Variants in MYO1D observed in about 807,000 individuals in gnomAD.
MYO1D encodes the protein myosin ID.
A neutral mutation model predicts 122.0 loss-of-function variants in MYO1D; 83 were observed. The ratio of observed to expected loss-of-function variants is 0.68; its 90% CI spans 0.57 to 0.82. MYO1D has a LOEUF of 0.82. Ranked by LOEUF, MYO1D falls within the 40% of genes least tolerant of loss-of-function variation. The pLI, the probability that MYO1D is intolerant of heterozygous loss-of-function variation, is 0.00. For synonymous variants in MYO1D, 464 were observed against 446.9 expected (o/e 1.04, Z -0.48); for missense variants, 1,157 against 1,269.5 (o/e 0.91, Z 1.35).
chr17:32,503,966 T>TGAGG (rs1909409687), intron 21 of MYO1D, among the ~76,000 whole-genome samples: 1 of 152,214 alleles, frequency 6.6e-6, no homozygotes, highest in Admixed American at 6.5e-5. Flanking sequence ...ACCTATAAGG[T>TGAGG]GAGGCTATGA....
At chr17:32,855,900 T>C (rs540891212) in intron 1 of MYO1D, among the ~76,000 whole-genome samples, 10 of 152,344 alleles carry the variant, frequency 6.6e-5, no homozygotes, top group Admixed American at 4.6e-4. Context: ...TGATAGTCTG[T>C]AGGACTAGCT....
chr17:32,648,290 A>T (rs1174537859), intron 19 of MYO1D, among the ~76,000 whole-genome samples: 1 of 152,192 alleles, frequency 6.6e-6, no homozygotes, highest in African/African-American at 2.4e-5. Flanking sequence ...TATAATGTTC[A>T]AACACTGATT....
intron 21 of MYO1D, among the ~76,000 whole-genome samples, chr17:32,540,633 A>G (rs1386536809): frequency 1.3e-5 from 2 of 152,106 alleles, no homozygotes; most frequent in African/African-American, 4.8e-5. Flanking sequence ...ATAATCAAAA[A>G]GACAGATAAT....
chr17:32,596,831 C>T (rs2087498075), intron 21 of MYO1D, among the ~76,000 whole-genome samples: 1 of 152,220 alleles, frequency 6.6e-6, no homozygotes, highest in Admixed American at 6.5e-5. Context: ...TGCAGAGTTT[C>T]TGGTGACTTC....
chr17:32,628,818 A>G (rs953611610), intron 20 of MYO1D, among the ~76,000 whole-genome samples: 11 of 152,258 alleles, frequency 7.2e-5, no homozygotes, highest in African/African-American at 2.4e-4. Flanking sequence ...CCACTTTGGA[A>G]AATACTGGCA....
intron 21 of MYO1D, among the ~76,000 whole-genome samples, chr17:32,517,144 T>C (rs116631030): frequency 0.017 from 2,528 of 152,316 alleles, 72 homozygotes; most frequent in African/African-American, 0.056. Context: ...TCAAACCAAA[T>C]ACATTCTTCC....
At chr17:32,707,222 C>T (rs1016782687) in intron 16 of MYO1D, among the ~76,000 whole-genome samples, 4 of 151,888 alleles carry the variant, frequency 2.6e-5, no homozygotes, top group Non-Finnish European at 5.9e-5. Context: ...TAAAAATGGG[C>T]CAAGAATATC....
intron 13 of MYO1D, among the ~76,000 whole-genome samples, chr17:32,739,833 C>G (rs2089753161): frequency 1.3e-5 from 2 of 152,090 alleles, no homozygotes; most frequent in Non-Finnish European, 2.9e-5. Context: ...GATGAAAGAG[C>G]AGATGAGCGC....
chr17:32,670,875 C>A (rs1308856152), intron 16 of MYO1D, among the ~76,000 whole-genome samples: 1 of 152,210 alleles, frequency 6.6e-6, no homozygotes, highest in East Asian at 1.9e-4. Context: ...GCCTTTACCA[C>A]CCTTCAATTG....
At chr17:32,789,070 T>C (rs906316282) in intron 1 of MYO1D, among the ~76,000 whole-genome samples, 1 of 152,188 alleles carries the variant, frequency 6.6e-6, no homozygotes, top group African/African-American at 2.4e-5. Flanking sequence ...TACTTGGCCA[T>C]TGTCAGTATA....
chr17:32,658,838 C>T (rs558365045), intron 17 of MYO1D: 2 of 409,486 alleles, frequency 4.9e-6, no homozygotes, highest in South Asian at 6.6e-5. Context: ...TAAGTAGAAA[C>T]AGCATGCTAG....
chr17:32,833,211 T>C (rs1454993169), intron 1 of MYO1D, among the ~76,000 whole-genome samples: 2 of 152,316 alleles, frequency 1.3e-5, no homozygotes, highest in East Asian at 3.9e-4. Context: ...CCATGTCTCA[T>C]CTGTCAGTAA....
chr17:32,560,083 C>T (rs777594120), intron 21 of MYO1D, among the ~76,000 whole-genome samples: 1 of 152,132 alleles, frequency 6.6e-6, no homozygotes, highest in Non-Finnish European at 1.5e-5. Context: ...GGTGAAACCC[C>T]CATCTCTACT....
intron 1 of MYO1D, among the ~76,000 whole-genome samples, chr17:32,806,093 C>T (rs2090509658): frequency 6.6e-6 from 1 of 152,012 alleles, no homozygotes; most frequent in Non-Finnish European, 1.5e-5. Flanking sequence ...CCTGTCTCTA[C>T]CAAAAATACA....
intron 21 of MYO1D, among the ~76,000 whole-genome samples, chr17:32,587,071 C>T (rs1016871254): frequency 1.3e-5 from 2 of 152,198 alleles, no homozygotes; most frequent in African/African-American, 4.8e-5. Context: ...TAACAACAAG[C>T]AGTGCTCCTC....
intron 21 of MYO1D, among the ~76,000 whole-genome samples, chr17:32,544,481 T>C (rs1166992121): frequency 6.6e-6 from 1 of 152,130 alleles, no homozygotes. Context: ...ATTAATGAAA[T>C]AGTGGTATAT....
At chr17:32,512,222 C>T (rs1002304966) in intron 21 of MYO1D, among the ~76,000 whole-genome samples, 4 of 151,972 alleles carry the variant, frequency 2.6e-5, no homozygotes, top group African/African-American at 9.7e-5. Flanking sequence ...ATCACTTGAA[C>T]CCAGGAGGCA....
At chr17:32,700,430 C>T (rs2089231810) in intron 16 of MYO1D, among the ~76,000 whole-genome samples, 3 of 152,288 alleles carry the variant, frequency 2.0e-5, no homozygotes, top group Non-Finnish European at 1.5e-5. Flanking sequence ...AGGCCACGGA[C>T]CAGTACCAGT....
At chr17:32,547,075 A>ATTT (rs71144837) in intron 21 of MYO1D, among the ~76,000 whole-genome samples, 4 of 148,150 alleles carry the variant, frequency 2.7e-5, no homozygotes, top group Admixed American at 6.7e-5. Context: ...CTAATTAAAC[A>ATTT]TTTTTTTTTT....
Sources: allele counts gnomAD v4.1 joint callset (sites outside exome capture counted in the v4.1 genomes callset), GRCh38; gene constraint gnomAD v4.1.1; transcripts MANE v1.5; gene names NCBI Gene and HGNC (gene_info 2026-07-23, HGNC 2026-07-21).